Variants in TNIP1 observed in about 807,000 individuals in gnomAD.
TNIP1 encodes the protein TNFAIP3 interacting protein 1.
In TNIP1, 22 loss-of-function variants were observed where a neutral mutation model predicts 86.6. That is an observed-to-expected ratio of 0.25 (90% CI 0.18 to 0.36). The LOEUF (loss-of-function observed/expected upper bound fraction) is 0.36. Among genes scored for constraint, TNIP1 ranks in the 10% least tolerant of loss-of-function variants. The probability of loss-of-function intolerance (pLI) is 1.00; values close to 1 mark genes in which losing one functional copy is unlikely to be tolerated. For missense variants in TNIP1, 709 were observed against 820.6 expected, an observed-to-expected ratio of 0.86 and a Z score of 1.66; for synonymous variants, 294 against 313.0, an observed-to-expected ratio of 0.94 and a Z score of 0.64.
At chr5:151,044,030 C>T (rs995099697) in intron 9 of TNIP1, among the ~76,000 whole-genome samples, 1 of 152,086 alleles carries the variant, frequency 6.6e-6, no homozygotes, top group Non-Finnish European at 1.5e-5. Flanking sequence ...AGGAATATAG[C>T]ATATGTTATA....
chr5:151,086,899 G>T (rs1041649413), intron 1 of TNIP1, among the ~76,000 whole-genome samples: 4 of 152,254 alleles, frequency 2.6e-5, no homozygotes. Context: ...TGAGGAGCAG[G>T]GGCTGGGAGC....
At chr5:151,053,101 CTTTTTTT>C (rs11390788) in intron 6 of TNIP1, among the ~76,000 whole-genome samples, 4 of 85,206 alleles carry the variant, frequency 4.7e-5, no homozygotes, top group Admixed American at 1.4e-4. Flanking sequence ...AACTGTTTCT[CTTTTTTT>C]TTTTTTTTTT....
intron 7 of TNIP1, 129 bp from the exon 8 acceptor site, chr5:151,050,076 G>T: frequency 6.8e-7 from 1 of 1,472,280 alleles, no homozygotes; most frequent in Non-Finnish European, 9.1e-7. Flanking sequence ...CCTGAAACCT[G>T]CCCTCCTGGA....
chr5:151,030,777 T>G, intron 17 of TNIP1, 30 bp from the exon 18 acceptor site: 1 of 1,565,496 alleles, frequency 6.4e-7, no homozygotes, highest in East Asian at 2.2e-5. Context: ...GAGGACTTCA[T>G]GATTATGTGG....
intron 9 of TNIP1, among the ~76,000 whole-genome samples, chr5:151,045,413 T>A (rs1759026886): frequency 6.6e-6 from 1 of 152,092 alleles, no homozygotes; most frequent in Admixed American, 6.5e-5. Flanking sequence ...ACGTTAAAAA[T>A]TTTGACAGTA....
chr5:151,041,860 C>A (rs1758460215), intron 11 of TNIP1, among the ~76,000 whole-genome samples: 1 of 152,048 alleles, frequency 6.6e-6, no homozygotes, highest in East Asian at 1.9e-4. Flanking sequence ...GTAGCCCCTC[C>A]CCAACAAATC....
At chr5:151,063,032 G>A (rs915535035) in intron 3 of TNIP1, among the ~76,000 whole-genome samples, 4 of 152,188 alleles carry the variant, frequency 2.6e-5, no homozygotes, top group East Asian at 1.9e-4. Context: ...CACTCTGTAC[G>A]CATGGTGATG....
chr5:151,052,299 G>A, intron 6 of TNIP1, 40 bp from the exon 7 acceptor site: 1 of 1,576,900 alleles, frequency 6.3e-7, no homozygotes, highest in Non-Finnish European at 8.7e-7. Context: ...GGAAAGGAGG[G>A]GCCCCTCCCA....
chr5:151,036,608 G>A (rs999978152), intron 13 of TNIP1, among the ~76,000 whole-genome samples, 182 bp downstream of exon 13: 1 of 152,208 alleles, frequency 6.6e-6, no homozygotes, highest in East Asian at 1.9e-4. Context: ...GTAGAGGAAC[G>A]ACTTAAGCTA....
chr5:151,033,569 C>CTG (rs930141592), intron 16 of TNIP1, 39 bp downstream of exon 16: 2 of 1,354,380 alleles, frequency 1.5e-6, no homozygotes, highest in African/African-American at 1.5e-5. Flanking sequence ...GGGGCAGCCT[C>CTG]TGTGTGTGCC....
At chr5:151,049,745 T>C in intron 8 of TNIP1, 79 bp downstream of exon 8, 1 of 1,547,428 alleles carries the variant, frequency 6.5e-7, no homozygotes, top group Non-Finnish European at 8.9e-7. Flanking sequence ...GGGAGGAGGC[T>C]CACTGTCACT....
intron 1 of TNIP1, among the ~76,000 whole-genome samples, chr5:151,072,319 G>A (rs1368101659): frequency 6.6e-6 from 1 of 152,156 alleles, no homozygotes; most frequent in Non-Finnish European, 1.5e-5. Context: ...CAACCAGGTG[G>A]CAATCTGCCC....
In TNIP1 at chr5:151,042,784, T is replaced by C; in HGVS notation, c.1002+112A>G. On this transcript the variant is annotated intron_variant, in intron 10 of 17. Transcript: ENST00000521591. ...CCAACACTGCCCCCAACTTCTCCTC[T>C]GGGCCATACTGGGGCTCAGCGTGGC... is the stretch of plus-strand genomic sequence containing the variant. 2.5e-6 allele frequency: 4 copies of C among 1,594,574 alleles called. No individual in the cohort carries two copies. In the Admixed American group the frequency reaches 6.7e-5, roughly 27 times the overall value.
chr5:151,066,527 G>A (rs1238748876), intron 1 of TNIP1, among the ~76,000 whole-genome samples: 2 of 152,186 alleles, frequency 1.3e-5, no homozygotes, highest in Non-Finnish European at 2.9e-5. Context: ...AGGTGACTAC[G>A]ACCATACCAC....
intron 7 of TNIP1, among the ~76,000 whole-genome samples, chr5:151,051,601 C>A (rs577497567): frequency 6.6e-6 from 1 of 152,216 alleles, no homozygotes; most frequent in Non-Finnish European, 1.5e-5. Context: ...TTTCCCAAGG[C>A]GTGATCCTGT....
chr5:151,072,818 T>C (rs537681618), intron 1 of TNIP1, among the ~76,000 whole-genome samples: 2 of 152,356 alleles, frequency 1.3e-5, no homozygotes, highest in Non-Finnish European at 1.5e-5. Flanking sequence ...GGAGCCTGGG[T>C]ATACATTTGC....
At chr5:151,039,780 C>T (rs1028530724) in intron 11 of TNIP1, among the ~76,000 whole-genome samples, 20 of 152,200 alleles carry the variant, frequency 1.3e-4, no homozygotes, top group African/African-American at 3.4e-4. Flanking sequence ...AGAGATGACA[C>T]GCCCAGAGAG....
chr5:151,032,111 T>G (rs1386829790), intron 17 of TNIP1, 176 bp downstream of exon 17: 2 of 604,604 alleles, frequency 3.3e-6, no homozygotes, highest in African/African-American at 3.7e-5. Context: ...ATGAATGGTT[T>G]CAGCCCCCCT....
At chr5:151,032,686 G>T (rs929986220) in intron 16 of TNIP1, 23 of 353,276 alleles carry the variant, frequency 6.5e-5, no homozygotes, top group Middle Eastern at 8.2e-4. Flanking sequence ...ACCAAGAAGG[G>T]TCATATGGGA....
Sources: gnomAD v4.1 joint callset for allele counts (sites outside exome capture counted in the v4.1 genomes callset) on GRCh38, gnomAD v4.1.1 for gene constraint, MANE v1.5 for transcripts, NCBI Gene and HGNC (gene_info 2026-07-23, HGNC 2026-07-21) for gene names.